The following ST18 variants were observed in gnomAD, a reference collection of about 807,000 sequenced individuals.
ST18 encodes suppression of tumorigenicity 18 protein.
A neutral mutation model predicts 110.0 loss-of-function variants in ST18; 50 were observed. The ratio of observed to expected loss-of-function variants is 0.45; its 90% confidence interval spans 0.36 to 0.58. The LOEUF is 0.58. Among genes scored for constraint, ST18 ranks in the 20% least tolerant of loss-of-function variants. ST18 has a pLI of 0.00. For missense variants in ST18, 1,306 were observed against 1,280.1 expected, an observed-to-expected ratio of 1.02 and a Z score of -0.31; for synonymous variants, 461 against 452.4, an observed-to-expected ratio of 1.02 and a Z score of -0.24.
intron 3 of ST18, among the ~76,000 whole-genome samples, chr8:52,227,675 TC>T (rs909091644): frequency 6.6e-6 from 1 of 152,232 alleles, no homozygotes; most frequent in Non-Finnish European, 1.5e-5. Context: ...TTTGTACGTT[TC>T]AAAGGAACTT....
chr8:52,405,605 T>G (rs1174619277), intron 2 of ST18: 3 of 152,064 alleles, frequency 2.0e-5, no homozygotes, highest in Admixed American at 2.0e-4. Flanking sequence ...GTATTAATTT[T>G]AATAACACAA....
At chr8:52,254,161 T>TTATGA (rs2094448818) in intron 2 of ST18, 1 of 152,208 alleles carries the variant, frequency 6.6e-6, no homozygotes, top group South Asian at 2.1e-4. Context: ...AAAGTGAATG[T>TTATGA]TATGACTTAA....
chr8:52,394,810 C>G (rs1032885642), intron 2 of ST18, among the ~76,000 whole-genome samples: 2 of 152,142 alleles, frequency 1.3e-5, no homozygotes, highest in Admixed American at 1.3e-4. Context: ...AGCAAAGAAC[C>G]TTAGAACACT....
At chr8:52,240,437 A>T (rs922416487) in intron 2 of ST18, among the ~76,000 whole-genome samples, 9 of 152,176 alleles carry the variant, frequency 5.9e-5, no homozygotes, top group African/African-American at 2.2e-4. Context: ...CCGTAGGCTT[A>T]TAAAGGTGTC....
intron 2 of ST18, among the ~76,000 whole-genome samples, chr8:52,347,429 G>A (rs1818265333): frequency 6.6e-6 from 1 of 152,156 alleles, no homozygotes; most frequent in Admixed American, 6.5e-5. Context: ...CTAGAGAATG[G>A]CGTTATTGAT....
At chr8:52,330,308 C>T (rs1472424787) in intron 2 of ST18, among the ~76,000 whole-genome samples, 1 of 152,192 alleles carries the variant, frequency 6.6e-6, no homozygotes, top group African/African-American at 2.4e-5. Context: ...CCTTTCGAGG[C>T]ATTTTGCCAA....
chr8:52,161,240 T>C, intron 14 of ST18, 135 bp downstream of exon 14: 1 of 819,348 alleles, frequency 1.2e-6, no homozygotes. Context: ...GGTATTTCAC[T>C]TGAATATATT....
At chr8:52,360,469 C>G (rs527884638) in intron 2 of ST18, among the ~76,000 whole-genome samples, 1 of 151,798 alleles carries the variant, frequency 6.6e-6, no homozygotes, top group Non-Finnish European at 1.5e-5. Context: ...TGCTCCTTAA[C>G]AAAATATTGT....
At chr8:52,214,424 C>G (rs148844893) in intron 6 of ST18, 167 bp from the exon 7 acceptor site, 1 of 613,068 alleles carries the variant, frequency 1.6e-6, no homozygotes, top group Non-Finnish European at 2.8e-6. Flanking sequence ...CCACATACCA[C>G]CAGCTTTGGA....
Position 52,121,994 on chromosome 8 carries a change from C to T in ST18, c.2756-3553G>A, listed in dbSNP as rs372704825. 5.1e-4 allele frequency among the ~76,000 whole-genome samples: 77 copies of T among 152,056 alleles called. 1 individual carries two copies. Among genetic ancestry groups the T allele is most frequent in the African/African-American group, 1.2e-3 (51 of 41,484 alleles). The stretch of plus-strand genomic sequence containing the variant: ...CTGAGTAGCTGAGACTACAGGCGTA[C>T]GCCACCATGCCCAGCTAATTTTTTT... On this transcript the variant is annotated intron_variant, in intron 23 of 25. Transcript: ENST00000689386.
At chr8:52,239,227 G>A (rs997952343) in intron 2 of ST18, among the ~76,000 whole-genome samples, 13 of 152,074 alleles carry the variant, frequency 8.5e-5, no homozygotes, top group African/African-American at 3.1e-4. Flanking sequence ...ATAGAGAAGG[G>A]GTGCAGAGTT....
chr8:52,365,138 C>A (rs190766670), intron 2 of ST18, among the ~76,000 whole-genome samples: 2 of 152,074 alleles, frequency 1.3e-5, no homozygotes, highest in East Asian at 3.9e-4. Context: ...GAGAAAGTTC[C>A]TTCAGACATG....
intron 8 of ST18, among the ~76,000 whole-genome samples, chr8:52,187,307 A>T (rs537879691): frequency 6.6e-6 from 1 of 152,234 alleles, no homozygotes; most frequent in South Asian, 2.1e-4. Context: ...TGGTACTATT[A>T]TATCTCTAAA....
chr8:52,142,122 G>T (rs1325786480), intron 17 of ST18, among the ~76,000 whole-genome samples: 1 of 152,102 alleles, frequency 6.6e-6, no homozygotes, highest in East Asian at 1.9e-4. Flanking sequence ...TTCTGACAGG[G>T]GAAGGGGATG....
chr8:52,176,858 G>T (rs2067151894), intron 9 of ST18, among the ~76,000 whole-genome samples: 1 of 152,104 alleles, frequency 6.6e-6, no homozygotes, highest in Admixed American at 6.6e-5. Flanking sequence ...AACTAGCTAG[G>T]TTACTTTTAT....
intron 25 of ST18, among the ~76,000 whole-genome samples, chr8:52,115,668 A>G (rs2130356973): frequency 6.6e-6 from 1 of 152,352 alleles, no homozygotes; most frequent in Admixed American, 6.5e-5. Flanking sequence ...TGTTCACACA[A>G]CATCAAAATT....
intron 5 of ST18, among the ~76,000 whole-genome samples, chr8:52,218,491 G>A (rs187614763): frequency 3.3e-5 from 5 of 150,640 alleles, no homozygotes; most frequent in Non-Finnish European, 7.4e-5. Context: ...GGGTTCAAGC[G>A]GTTCTCCTGC....
chr8:52,334,989 T>C (rs1166278383), intron 2 of ST18, among the ~76,000 whole-genome samples: 2 of 152,150 alleles, frequency 1.3e-5, no homozygotes, highest in Non-Finnish European at 2.9e-5. Context: ...GTTGAAAAAA[T>C]AACAAAATTA....
intron 8 of ST18, among the ~76,000 whole-genome samples, chr8:52,186,956 G>A (rs1248108271): frequency 6.6e-6 from 1 of 152,092 alleles, no homozygotes; most frequent in East Asian, 1.9e-4. Context: ...GGTTTCATGG[G>A]TATGTTCATC....
Sources: allele counts gnomAD v4.1 joint callset (sites outside exome capture counted in the v4.1 genomes callset), GRCh38; gene constraint gnomAD v4.1.1; transcripts MANE v1.5; gene names NCBI Gene and HGNC (gene_info 2026-07-23, HGNC 2026-07-21).